Variants in ZNF618 observed in about 807,000 individuals in gnomAD.
ZNF618 encodes zinc finger protein 618.
ZNF618 carries 34 observed loss-of-function variants against 103.0 expected under a neutral mutation model. The observed-to-expected ratio is 0.33, with a 90% confidence interval of 0.25 to 0.44. The LOEUF is 0.44. Ranked by LOEUF, ZNF618 falls within the 20% of genes least tolerant of loss-of-function variation. ZNF618 has a pLI of 1.00. For synonymous variants in ZNF618, 551 were observed against 542.2 expected (o/e 1.02, Z -0.23); for missense variants, 1,059 against 1,295.4 (o/e 0.82, Z 2.80).
intron 1 of ZNF618, among the ~76,000 whole-genome samples, chr9:113,921,753 C>G (rs1399842661): frequency 1.3e-5 from 2 of 152,168 alleles, no homozygotes; most frequent in Non-Finnish European, 2.9e-5. Context: ...CAGATCAAAT[C>G]CTTTTTTTGA....
At chr9:114,036,558 G>A (rs955361396) in intron 13 of ZNF618, among the ~76,000 whole-genome samples, 181 bp downstream of exon 13, 8 of 152,240 alleles carry the variant, frequency 5.3e-5, no homozygotes, top group Non-Finnish European at 1.0e-4. Flanking sequence ...GCTGGTCTGT[G>A]CTCTGCAGGT....
At chr9:113,934,632 T>C (rs950619933) in intron 1 of ZNF618, among the ~76,000 whole-genome samples, 1 of 152,212 alleles carries the variant, frequency 6.6e-6, no homozygotes, top group African/African-American at 2.4e-5. Flanking sequence ...AGTGAGAATA[T>C]AGCCTCCCAA....
chr9:114,018,844 A>G (rs1362199832), intron 10 of ZNF618, among the ~76,000 whole-genome samples: 3 of 152,182 alleles, frequency 2.0e-5, no homozygotes, highest in Non-Finnish European at 4.4e-5. Context: ...ATCTGTGTTT[A>G]AAATACAGCA....
intron 9 of ZNF618, among the ~76,000 whole-genome samples, chr9:114,011,535 A>G (rs1400294927): frequency 1.3e-5 from 2 of 152,332 alleles, no homozygotes; most frequent in African/African-American, 4.8e-5. Context: ...CCTTGCTGCC[A>G]CTCAGGAGCT....
At chr9:114,004,559 A>T (rs1841559287) in intron 6 of ZNF618, among the ~76,000 whole-genome samples, 1 of 152,028 alleles carries the variant, frequency 6.6e-6, no homozygotes, top group Non-Finnish European at 1.5e-5. Context: ...CTGGTTGCTG[A>T]CGGCTCTGTA....
At position 114,045,898 on chromosome 9, in the gene ZNF618, A is replaced by T. The variant is rs61595088; in HGVS notation, c.1247-1995A>T. ...ATATCTTTTCATTTACTTAGGTCTTATTTGAGTTCTTTCAACAGTGTTTTT... is the reference window on the plus strand; with the variant it reads ...ATATCTTTTCATTTACTTAGGTCTTTTTTGAGTTCTTTCAACAGTGTTTTT... On this transcript the variant is annotated intron_variant, in intron 13 of 14. Coordinates refer to ENST00000374126, the MANE Select transcript of ZNF618 (RefSeq NM_001318042.2). 9.5e-3 allele frequency among the ~76,000 whole-genome samples: 1,450 copies of T among 151,848 alleles called. 26 individuals carry two copies. The highest frequency in any genetic ancestry group is 0.031 in the African/African-American group (1,275 of 41,440).
intron 1 of ZNF618, among the ~76,000 whole-genome samples, chr9:113,919,384 A>T (rs1227873362): frequency 6.6e-6 from 1 of 152,104 alleles, no homozygotes; most frequent in African/African-American, 2.4e-5. Flanking sequence ...TATTTAATGA[A>T]TTTTTCTTTA....
chr9:113,955,975 C>T (rs995800143), intron 1 of ZNF618, among the ~76,000 whole-genome samples: 15 of 151,836 alleles, frequency 9.9e-5, no homozygotes, highest in African/African-American at 1.7e-4. Context: ...TTTGGGAGGC[C>T]GAAGCGGGTG....
chr9:113,895,366 A>C (rs1318353578), intron 1 of ZNF618, among the ~76,000 whole-genome samples: 1 of 152,210 alleles, frequency 6.6e-6, no homozygotes, highest in South Asian at 2.1e-4. Flanking sequence ...GTGATGAATT[A>C]TATTAATAGA....
intron 1 of ZNF618, among the ~76,000 whole-genome samples, chr9:113,920,842 T>A (rs560056259): frequency 6.6e-6 from 1 of 152,326 alleles, no homozygotes; most frequent in East Asian, 1.9e-4. Context: ...ATCAATAGGA[T>A]TTAGCATTGG....
intron 2 of ZNF618, among the ~76,000 whole-genome samples, chr9:113,974,117 G>C (rs1838260876): frequency 6.6e-6 from 1 of 152,220 alleles, no homozygotes; most frequent in East Asian, 1.9e-4. Flanking sequence ...TAGAGCAGCT[G>C]TAATAAATAC....
At chr9:113,987,611 C>T (rs978790791) in intron 2 of ZNF618, among the ~76,000 whole-genome samples, 1 of 152,170 alleles carries the variant, frequency 6.6e-6, no homozygotes, top group South Asian at 2.1e-4. Context: ...CTGGATATCG[C>T]GTACATCAAA....
At chr9:113,995,453 A>G (rs924654013) in intron 3 of ZNF618, among the ~76,000 whole-genome samples, 9 of 152,220 alleles carry the variant, frequency 5.9e-5, no homozygotes, top group Admixed American at 1.3e-4. Flanking sequence ...CTCTGAATTA[A>G]TATTTCTTAT....
At chr9:114,046,284 A>T (rs1294151475) in intron 13 of ZNF618, among the ~76,000 whole-genome samples, 1 of 152,204 alleles carries the variant, frequency 6.6e-6, no homozygotes, top group African/African-American at 2.4e-5. Flanking sequence ...GACTGCATAT[A>T]TGACAGTGGT....
At chr9:114,009,663 A>G (rs1025108588) in intron 9 of ZNF618, among the ~76,000 whole-genome samples, 2 of 152,102 alleles carry the variant, frequency 1.3e-5, no homozygotes, top group African/African-American at 2.4e-5. Context: ...GCTTCCTTCC[A>G]ATAAGGATCT....
At position 114,027,716 on chromosome 9, in the gene ZNF618, C is replaced by T. The variant is rs574874704; in HGVS notation, c.845-1017C>T. ...GGAGCAGGGAGATAATGGGGCCTGCCTCCACCTGCCTGGGCCAGGGGAGCA... is the reference window on the plus strand; with the variant it reads ...GGAGCAGGGAGATAATGGGGCCTGCTTCCACCTGCCTGGGCCAGGGGAGCA... On this transcript the variant is annotated intron_variant, in intron 10 of 14. Coordinates refer to ENST00000374126, the MANE Select transcript of ZNF618 (RefSeq NM_001318042.2). 8.5e-5 allele frequency among the ~76,000 whole-genome samples: 13 copies of T among 152,230 alleles called. No homozygotes were observed. The East Asian group carries it at 2.3e-3, about 27-fold the overall frequency.
intron 1 of ZNF618, among the ~76,000 whole-genome samples, chr9:113,911,431 C>T (rs530219607): frequency 2.6e-5 from 4 of 152,100 alleles, no homozygotes; most frequent in South Asian, 2.1e-4. Context: ...CAGGTTCAAA[C>T]GATTCTCCTG....
In ZNF618 at chr9:114,043,283, T is replaced by G. The variant is rs528909450; in HGVS notation, c.1247-4610T>G. On this transcript the variant is annotated intron_variant, in intron 13 of 14. Coordinates refer to ENST00000374126, the MANE Select transcript of ZNF618 (RefSeq NM_001318042.2). ...TTCTGAGCTGTAAGGTAATTCTGTT[T>G]AATCCTGTGAGGAATTGCCAGATTG... 3.9e-5 allele frequency among the ~76,000 whole-genome samples: 6 copies of G among 152,364 alleles called. No homozygotes were observed. In the South Asian group the frequency reaches 1.0e-3, roughly 26 times the overall value.
intron 1 of ZNF618, among the ~76,000 whole-genome samples, chr9:113,955,018 G>C (rs1836137040): frequency 6.6e-6 from 1 of 152,086 alleles, no homozygotes; most frequent in African/African-American, 2.4e-5. Context: ...GGTAGCAGCA[G>C]CTCTCCCATA....
Sources: gnomAD v4.1 joint callset for allele counts (sites outside exome capture counted in the v4.1 genomes callset) on GRCh38, gnomAD v4.1.1 for gene constraint, MANE v1.5 for transcripts, NCBI Gene and HGNC (gene_info 2026-07-23, HGNC 2026-07-21) for gene names.